Variants in CD2AP observed in about 807,000 individuals in gnomAD.
CD2AP encodes the protein CD2-associated protein.
A neutral mutation model predicts 85.1 loss-of-function variants in CD2AP; 46 were observed. That is an observed-to-expected ratio of 0.54 (90% CI 0.43 to 0.69). The LOEUF is 0.69. CD2AP is among the 30% of genes least tolerant of loss of function. The pLI, the probability that CD2AP is intolerant of heterozygous loss-of-function variation, is 0.00. For missense variants in CD2AP, 769 were observed against 729.5 expected, an observed-to-expected ratio of 1.05 and a Z score of -0.62; for synonymous variants, 255 against 252.9, an observed-to-expected ratio of 1.01 and a Z score of -0.08.
chr6:47,523,548 A>G (rs1766648838), intron 2 of CD2AP, among the ~76,000 whole-genome samples: 1 of 152,162 alleles, frequency 6.6e-6, no homozygotes, highest in Admixed American at 6.5e-5. Flanking sequence ...AAAGTTGTGT[A>G]TAGTTATTGA....
At chr6:47,510,524 A>C (rs925213338) in intron 2 of CD2AP, among the ~76,000 whole-genome samples, 2 of 152,120 alleles carry the variant, frequency 1.3e-5, no homozygotes, top group Admixed American at 1.3e-4. Flanking sequence ...GGGACTTAGA[A>C]CCCAACCTGA....
At chr6:47,490,474 G>C (rs1765706680) in intron 1 of CD2AP, among the ~76,000 whole-genome samples, 2 of 151,972 alleles carry the variant, frequency 1.3e-5, no homozygotes, top group Admixed American at 1.3e-4. Context: ...GTTAATAGTG[G>C]GAAGATGAAG....
intron 17 of CD2AP, among the ~76,000 whole-genome samples, chr6:47,613,519 T>C (rs1246660618): frequency 1.3e-5 from 2 of 152,052 alleles, no homozygotes; most frequent in African/African-American, 2.4e-5. Context: ...TTTTTTTTTT[T>C]TCCTGAGCAG....
At chr6:47,599,593 A>C in intron 13 of CD2AP, 150 bp downstream of exon 13, 2 of 743,036 alleles carry the variant, frequency 2.7e-6, no homozygotes, top group East Asian at 5.4e-5. Flanking sequence ...TAGCAGCCAA[A>C]GTAGAAATAA....
chr6:47,621,918 G>A (rs1341658245), intron 17 of CD2AP, among the ~76,000 whole-genome samples: 1 of 152,108 alleles, frequency 6.6e-6, no homozygotes, highest in Non-Finnish European at 1.5e-5. Flanking sequence ...AAGATTATAT[G>A]CCCTTAGTCT....
intron 17 of CD2AP, among the ~76,000 whole-genome samples, chr6:47,615,524 A>C (rs886554368): frequency 6.6e-6 from 1 of 152,064 alleles, no homozygotes; most frequent in African/African-American, 2.4e-5. Flanking sequence ...TCATGTGGCG[A>C]GAGAGGGAGT....
rs1491427733 is a variant in CD2AP at position 47,610,972 on chromosome 6, T to TATATATATATATATATATATA, written c.1815-1501_1815-1500insATATATATATATATATATATA. On this transcript the variant is annotated intron_variant, in intron 16 of 17. Transcript: ENST00000359314. Reference sequence around the variant, plus strand: ...ATTTATATATATATATATATATGTATTTTTTTTTTTTTTTGAATATAAAAC... The same window carrying TATATATATATATATATATATA: ...ATTTATATATATATATATATATGTATATATATATATATATATATATATTTTTTTTTTTTTTGAATATAAAAC... Among the ~76,000 whole-genome samples, 255 of 56,186 alleles carry TATATATATATATATATATATA rather than the reference T, an allele frequency of 4.5e-3. 2 individuals carry two copies. The highest frequency in any genetic ancestry group is 0.02 in the East Asian group (17 of 842). 36.9% of individuals were successfully genotyped at this position (56,186 alleles called of 152,430 possible).
chr6:47,596,693 C>T lies in CD2AP; in HGVS notation c.1274+667C>T, dbSNP rs550861165. On this transcript the variant is annotated intron_variant, in intron 12 of 17. Transcript: ENST00000359314. ...ACTTTAGGTTGCTTCCATATTTTGG[C>T]TGTTGTGAATAGTGCTGTAGTAAAC... Among the ~76,000 whole-genome samples the T allele has an allele frequency of 2.6e-5, 4 of 152,084 alleles. No homozygotes were observed. In the South Asian group the frequency reaches 6.2e-4, roughly 24 times the overall value.
intron 3 of CD2AP, among the ~76,000 whole-genome samples, chr6:47,535,806 CG>C: frequency 6.6e-6 from 1 of 152,166 alleles, no homozygotes; most frequent in Non-Finnish European, 1.5e-5. Context: ...TTTAGGCCCA[CG>C]GGAGGTTTTT....
chr6:47,509,085 G>A (rs1442027645), intron 2 of CD2AP, among the ~76,000 whole-genome samples: 2 of 152,132 alleles, frequency 1.3e-5, no homozygotes, highest in Non-Finnish European at 2.9e-5. Context: ...ACTAGAGGCT[G>A]TTGTAGGGTT....
At chr6:47,566,323 T>TATATATATATATATATACACACACACAC in intron 5 of CD2AP, among the ~76,000 whole-genome samples, 57 of 108,448 alleles carry the variant, frequency 5.3e-4, no homozygotes, top group Non-Finnish European at 6.8e-4. Flanking sequence ...TATATATATA[T>TATATATATATATATATACACACACACAC]ACACATACAC....
At chr6:47,611,034 T>C (rs1445601367) in intron 16 of CD2AP, among the ~76,000 whole-genome samples, 5 of 147,052 alleles carry the variant, frequency 3.4e-5, no homozygotes, top group Non-Finnish European at 6.0e-5. Context: ...TTTCAATATC[T>C]TGAGTTTCTC....
At chr6:47,533,335 G>A (rs1031475216) in intron 2 of CD2AP, among the ~76,000 whole-genome samples, 1 of 151,954 alleles carries the variant, frequency 6.6e-6, no homozygotes, top group African/African-American at 2.4e-5. Flanking sequence ...GTGTTTCTTT[G>A]TAGTTGGGGT....
At chr6:47,611,763 T>G (rs1346156023) in intron 16 of CD2AP, among the ~76,000 whole-genome samples, 3 of 151,986 alleles carry the variant, frequency 2.0e-5, no homozygotes, top group African/African-American at 7.2e-5. Context: ...TTCCTTCCAC[T>G]CCTTCTGTCC....
At chr6:47,565,233 A>C (rs1415315617) in intron 5 of CD2AP, among the ~76,000 whole-genome samples, 2 of 152,186 alleles carry the variant, frequency 1.3e-5, no homozygotes, top group Admixed American at 1.3e-4. Context: ...TGGTTTCTAT[A>C]TAAAAGTCCA....
intron 3 of CD2AP, 78 bp downstream of exon 3, chr6:47,533,833 A>T (rs1766956550): frequency 2.1e-6 from 3 of 1,457,202 alleles, no homozygotes; most frequent in Admixed American, 1.9e-5. Context: ...ATTAAGAAAA[A>T]TTAGTTCAGT....
At chr6:47,506,938 G>A (rs1415002844) in intron 2 of CD2AP, among the ~76,000 whole-genome samples, 1 of 152,216 alleles carries the variant, frequency 6.6e-6, no homozygotes, top group African/African-American at 2.4e-5. Flanking sequence ...CCTGTAGCAT[G>A]TGAGCTGTTT....
At chr6:47,582,269 C>CAAAT (rs1768501047) in intron 11 of CD2AP, 1 of 500,294 alleles carries the variant, frequency 2.0e-6, no homozygotes. Flanking sequence ...TTAAACTATT[C>CAAAT]AGTAGGATGT....
intron 14 of CD2AP, among the ~76,000 whole-genome samples, chr6:47,606,646 T>C (rs1412191339): frequency 1.3e-5 from 2 of 152,050 alleles, no homozygotes; most frequent in African/African-American, 2.4e-5. Flanking sequence ...TTCAGTGTTT[T>C]TTTTCTTTTC....
Sources: allele counts gnomAD v4.1 joint callset (sites outside exome capture counted in the v4.1 genomes callset), GRCh38; gene constraint gnomAD v4.1.1; transcripts MANE v1.5; gene names NCBI Gene and HGNC (gene_info 2026-07-23, HGNC 2026-07-21).